Variants in GALNT18 observed in about 807,000 individuals in gnomAD.
GALNT18 encodes GalNAc-transferase 18.
In GALNT18, 44 loss-of-function variants were observed where a neutral mutation model predicts 69.5. That is an observed-to-expected ratio of 0.63 (90% CI 0.50 to 0.81). The LOEUF (loss-of-function observed/expected upper bound fraction) is 0.81. Ranked by LOEUF, GALNT18 falls within the 40% of genes least tolerant of loss-of-function variation. The pLI is 0.00. For missense variants in GALNT18, 715 were observed against 810.0 expected (o/e 0.88, Z 1.42); for synonymous variants, 364 against 318.2 (o/e 1.14, Z -1.53).
chr11:11,345,030 T>C (rs1387449779), intron 6 of GALNT18, among the ~76,000 whole-genome samples: 1 of 152,152 alleles, frequency 6.6e-6, no homozygotes, highest in Non-Finnish European at 1.5e-5. Context: ...ATTTGGACGG[T>C]CCTGTACACC....
chr11:11,380,811 T>C (rs76057942), intron 3 of GALNT18, among the ~76,000 whole-genome samples: 20,105 of 152,266 alleles, frequency 0.13, 1,438 homozygotes, highest in East Asian at 0.18. Context: ...AAAGTGTTTT[T>C]GTCCCCTGAT....
rs537941093 is a variant in GALNT18 at position 11,616,708 on chromosome 11, C to T, written c.235+4651G>A. On this transcript the variant is annotated intron_variant, in intron 1 of 10. Transcript: ENST00000227756. The surrounding 1 kb of genome is among the most constrained non-coding windows in gnomAD (Gnocchi z 4.4). ...TATTTGTCTCTAGTACCACTGCCCA[C>T]AGCTCCTGCAAATAGTTGAGTTTTA... is the stretch of plus-strand genomic sequence containing the variant. 6.6e-6 allele frequency among the ~76,000 whole-genome samples: 1 copy of T among 152,378 alleles called. No homozygotes were observed. The highest frequency in any genetic ancestry group is 1.9e-4 in the East Asian group (1 of 5,186).
At chr11:11,418,554 C>T (rs1854919414) in intron 3 of GALNT18, among the ~76,000 whole-genome samples, 1 of 152,248 alleles carries the variant, frequency 6.6e-6, no homozygotes, top group Non-Finnish European at 1.5e-5. Context: ...GAGATCTCTC[C>T]TCTGGGCTTC....
intron 1 of GALNT18, among the ~76,000 whole-genome samples, chr11:11,498,247 C>A (rs564062024): frequency 6.6e-6 from 1 of 152,290 alleles, no homozygotes; most frequent in African/African-American, 2.4e-5. Context: ...ATTCTCTTTT[C>A]GCTCATATTT....
intron 6 of GALNT18, among the ~76,000 whole-genome samples, chr11:11,355,729 A>T (rs1850517466): frequency 6.6e-6 from 1 of 152,124 alleles, no homozygotes; most frequent in Non-Finnish European, 1.5e-5. Flanking sequence ...TGTGGTGAAA[A>T]TTAAGCAAGT....
rs1019368063 is a variant in GALNT18 at position 11,411,963 on chromosome 11, G to A, written c.595+20658C>T. Among the ~76,000 whole-genome samples, 8 of 152,270 alleles carry A rather than the reference G, an allele frequency of 5.3e-5. No homozygotes were observed. In the South Asian group the frequency reaches 1.2e-3, roughly 24 times the overall value. Reference sequence around the variant, plus strand: ...ATTGGGGAATGGGACCTCATATCCCGGGCATTTTGGGGTGAGGCATCCCTG... The same window carrying A: ...ATTGGGGAATGGGACCTCATATCCCAGGCATTTTGGGGTGAGGCATCCCTG... On this transcript the variant is annotated intron_variant, in intron 3 of 10. Transcript: ENST00000227756.
At chr11:11,560,638 A>C (rs1319078430) in intron 1 of GALNT18, among the ~76,000 whole-genome samples, 2 of 152,182 alleles carry the variant, frequency 1.3e-5, no homozygotes, top group Non-Finnish European at 2.9e-5. Flanking sequence ...TACAGGCATC[A>C]TGGCAGGTGT....
intron 1 of GALNT18, among the ~76,000 whole-genome samples, chr11:11,612,781 CA>C (rs1265536430): frequency 6.6e-6 from 1 of 152,254 alleles, no homozygotes; most frequent in Non-Finnish European, 1.5e-5. Flanking sequence ...GAACTGGCCA[CA>C]AGCCTCCTTG....
At chr11:11,398,645 C>A (rs4910339) in intron 3 of GALNT18, among the ~76,000 whole-genome samples, 12,634 of 152,198 alleles carry the variant, frequency 0.083, 721 homozygotes, top group Admixed American at 0.15. Context: ...AGTTTCCCAG[C>A]CCAGGTGACC....
In GALNT18 at chr11:11,492,712, A is replaced by G. The variant is rs190942775; in HGVS notation, c.236-43776T>C. 3.0e-3 allele frequency among the ~76,000 whole-genome samples: 424 copies of G among 141,046 alleles called. 1 individual carries two copies. The highest frequency in any genetic ancestry group is 4.9e-3 in the Admixed American group (69 of 14,098). 92.5% of individuals were successfully genotyped at this position (141,046 alleles called of 152,430 possible). On this transcript the variant is annotated intron_variant, in intron 1 of 10. Coordinates refer to ENST00000227756, the MANE Select transcript of GALNT18 (RefSeq NM_198516.3). ...AGTTGAACAATGAGAACACATGGAC[A>G]CAGAGAGGGGACATCACATACCGGG...
In GALNT18 at chr11:11,604,099, C is replaced by T. The variant is rs577857015; in HGVS notation, c.235+17260G>A. Reference sequence around the variant, plus strand: ...TTGGGCCCTCACCAAACACAGAATCCGCTATGCCTTAATTTTGGACTTCCC... The same window carrying T: ...TTGGGCCCTCACCAAACACAGAATCTGCTATGCCTTAATTTTGGACTTCCC... On this transcript the variant is annotated intron_variant, in intron 1 of 10. Transcript: ENST00000227756. The surrounding 1 kb of genome is among the most constrained non-coding windows in gnomAD (Gnocchi z 5.6). 5.6e-4 allele frequency among the ~76,000 whole-genome samples: 86 copies of T among 152,266 alleles called. 1 individual carries two copies. In the South Asian group the frequency reaches 0.011, roughly 19 times the overall value.
At chr11:11,482,185 G>T (rs545925230) in intron 1 of GALNT18, among the ~76,000 whole-genome samples, 7 of 152,332 alleles carry the variant, frequency 4.6e-5, no homozygotes, top group Non-Finnish European at 1.0e-4. Flanking sequence ...AGTACTCAGG[G>T]TGAGAAAGAA....
At chr11:11,502,568 G>A (rs546184650) in intron 1 of GALNT18, among the ~76,000 whole-genome samples, 89 of 152,224 alleles carry the variant, frequency 5.8e-4, no homozygotes, top group Non-Finnish European at 9.6e-4. Flanking sequence ...CAGCAGCAGA[G>A]ATGGTCTGCT....
At chr11:11,579,890 T>A (rs1859032675) in intron 1 of GALNT18, among the ~76,000 whole-genome samples, 1 of 152,184 alleles carries the variant, frequency 6.6e-6, no homozygotes. Flanking sequence ...GTAGTCAACC[T>A]CTGAGTTGTG....
chr11:11,284,908 G>GGTTTTTTTT (rs766754289), intron 10 of GALNT18, among the ~76,000 whole-genome samples: 1 of 82,822 alleles, frequency 1.2e-5, no homozygotes, highest in South Asian at 4.3e-4. Context: ...AGACTTTCGT[G>GGTTTTTTTT]TTTTTTTTTT....
chr11:11,586,791 T>C lies in GALNT18; in HGVS notation c.235+34568A>G, dbSNP rs932138201. ...GAGTTTGAGACCAGCCTGGCCAACA[T>C]GGTTAAACACCATCTCTACTAAAAA... On this transcript the variant is annotated intron_variant, in intron 1 of 10. Transcript: ENST00000227756. This position sits in a 1 kb window ranked among gnomAD's most constrained non-coding sequence, Gnocchi z 4.1. 2.7e-5 allele frequency among the ~76,000 whole-genome samples: 4 copies of C among 148,892 alleles called. No homozygotes were observed. The highest frequency in any genetic ancestry group is 9.9e-5 in the African/African-American group (4 of 40,472).
chr11:11,289,998 C>G (rs1431168826), intron 10 of GALNT18, among the ~76,000 whole-genome samples: 6 of 152,176 alleles, frequency 3.9e-5, no homozygotes, highest in Admixed American at 2.6e-4. Flanking sequence ...GTCTGGATGA[C>G]ACCAAGTCCC....
chr11:11,420,185 C>A (rs1386347846), intron 3 of GALNT18, among the ~76,000 whole-genome samples: 2 of 151,924 alleles, frequency 1.3e-5, no homozygotes, highest in African/African-American at 4.8e-5. Context: ...CCAGTCACCA[C>A]GGGAGAGAGC....
intron 1 of GALNT18, among the ~76,000 whole-genome samples, chr11:11,548,853 A>G (rs181233859): frequency 9.2e-5 from 14 of 152,318 alleles, no homozygotes; most frequent in Admixed American, 7.2e-4. Flanking sequence ...GCTAATCACA[A>G]TAGATGTTTT....
Sources: allele counts gnomAD v4.1 joint callset (sites outside exome capture counted in the v4.1 genomes callset), GRCh38; gene constraint gnomAD v4.1.1; non-coding constraint Gnocchi (gnomAD v3.1); transcripts MANE v1.5; gene names NCBI Gene and HGNC (gene_info 2026-07-23, HGNC 2026-07-21).